The following KALRN variants were observed in gnomAD, a reference collection of about 807,000 sequenced individuals.
The protein encoded by KALRN is kalirin RhoGEF kinase.
Under a neutral mutation model 353.7 loss-of-function variants are expected in KALRN, and 70 were observed. That is an observed-to-expected ratio of 0.20 (90% CI 0.16 to 0.24). The LOEUF is 0.24. Among genes scored for constraint, KALRN ranks in the 10% least tolerant of loss-of-function variants. KALRN has a pLI of 1.00. For synonymous variants in KALRN, 1,391 were observed against 1,434.8 expected (o/e 0.97, Z 0.69); for missense variants, 2,791 against 3,756.7 (o/e 0.74, Z 6.72).
intron 34 of KALRN, among the ~76,000 whole-genome samples, chr3:124,590,399 T>G (rs1286631205): frequency 6.6e-6 from 1 of 152,156 alleles, no homozygotes; most frequent in East Asian, 1.9e-4. Flanking sequence ...AAATCCTACC[T>G]TGGGAATAAA....
intron 14 of KALRN, 107 bp from the exon 15 acceptor site, chr3:124,422,705 A>G (rs2092835011): frequency 1.1e-6 from 1 of 872,622 alleles, no homozygotes. Context: ...TTGGGAGGGT[A>G]TGAATAATGG....
chr3:124,591,286 C>A (rs2075746196), intron 34 of KALRN, among the ~76,000 whole-genome samples: 1 of 152,164 alleles, frequency 6.6e-6, no homozygotes, highest in South Asian at 2.1e-4. Context: ...CTTTTCCCCG[C>A]CCTTTTTTGT....
chr3:124,422,888 G>A lies in KALRN; in HGVS notation c.2619G>A (p.Lys873=). ...AGTTATTGGAATTTCTCCATGAGAA[G>A]CAGCATGAATTGGAGCTCAATGCAG... The part of the protein sequence containing the change: ...VQELLEFLHE[K]QHELELNAEQ... Residue 873 remains lysine (K), a synonymous_variant, in exon 15 of 60, where the codon AAG becomes AAA. Coordinates refer to ENST00000682506, the MANE Select transcript of KALRN (RefSeq NM_001388419.1). 6.2e-7 allele frequency: 1 copy of A among 1,613,936 alleles called. No homozygotes were observed. Among genetic ancestry groups the A allele is most frequent in the Non-Finnish European group, 8.5e-7 (1 of 1,179,842 alleles).
At position 124,270,824 on chromosome 3, in the gene KALRN, G is replaced by GTTTTTTT. The variant is rs777615656; in HGVS notation, c.969+1586_969+1592dup. Among the ~76,000 whole-genome samples, 600 of 78,384 alleles carry GTTTTTTT rather than the reference G, an allele frequency of 7.7e-3. 7 individuals are homozygous for GTTTTTTT. Among genetic ancestry groups the GTTTTTTT allele is most frequent in the Non-Finnish European group, 0.012 (479 of 41,144 alleles). 51.4% of individuals were successfully genotyped at this position (78,384 alleles called of 152,430 possible). On this transcript the variant is annotated intron_variant, in intron 5 of 59. Transcript: ENST00000682506. ...TTTTCTTTGTTTATTTTTTTGTTTT[G>GTTTTTTT]TTTTTTTTTTTTTTTTTTTTTTTGA...
chr3:124,405,912 G>A (rs1472607418), intron 13 of KALRN, among the ~76,000 whole-genome samples: 1 of 152,124 alleles, frequency 6.6e-6, no homozygotes, highest in Non-Finnish European at 1.5e-5. Flanking sequence ...CCAAAGTACT[G>A]GGATTACAGG....
At chr3:124,432,281 G>C (rs1364536590) in intron 16 of KALRN, among the ~76,000 whole-genome samples, 1 of 152,114 alleles carries the variant, frequency 6.6e-6, no homozygotes, top group Non-Finnish European at 1.5e-5. Flanking sequence ...AGGCATGGTG[G>C]TGGGTACTTG....
intron 3 of KALRN, among the ~76,000 whole-genome samples, chr3:124,254,711 A>T (rs1047627278): frequency 6.6e-6 from 1 of 152,198 alleles, no homozygotes. Context: ...TACCAAAAAA[A>T]GTTGCCCCAA....
chr3:124,416,500 T>C (rs2092506364), intron 14 of KALRN, among the ~76,000 whole-genome samples: 2 of 152,278 alleles, frequency 1.3e-5, no homozygotes, highest in East Asian at 3.8e-4. Flanking sequence ...GCTGTTCTCC[T>C]GCTCCTACCA....
At chr3:124,042,008 TAAAC>T (rs1203842643) in intron 1 of KALRN, among the ~76,000 whole-genome samples, 2 of 152,192 alleles carry the variant, frequency 1.3e-5, no homozygotes, top group Non-Finnish European at 2.9e-5. Context: ...AAGCAACAGA[TAAAC>T]AAATTTAAGA....
At chr3:124,518,044 C>A (rs567150843) in intron 33 of KALRN, among the ~76,000 whole-genome samples, 1 of 152,186 alleles carries the variant, frequency 6.6e-6, no homozygotes, top group Non-Finnish European at 1.5e-5. Context: ...GGGTCTGGAA[C>A]GTTGGGAAGC....
intron 51 of KALRN, among the ~76,000 whole-genome samples, chr3:124,682,553 C>T (rs2061388848): frequency 6.6e-6 from 1 of 152,180 alleles, no homozygotes; most frequent in East Asian, 1.9e-4. Context: ...CATCTCCTGC[C>T]TGCATGGGAA....
intron 34 of KALRN, among the ~76,000 whole-genome samples, chr3:124,600,116 G>A (rs333248): frequency 3.3e-5 from 5 of 152,096 alleles, no homozygotes; most frequent in Admixed American, 2.6e-4. Context: ...TAGACCAGCC[G>A]CGGGGAAAGA....
At chr3:124,267,429 CTT>C (rs1580270821) in intron 4 of KALRN, among the ~76,000 whole-genome samples, 1 of 152,204 alleles carries the variant, frequency 6.6e-6, no homozygotes, top group Non-Finnish European at 1.5e-5. Context: ...GAGAGCTATG[CTT>C]TGAGTAGCAA....
At chr3:124,384,797 G>A in intron 10 of KALRN, 48 bp from the exon 11 acceptor site, 1 of 1,524,368 alleles carries the variant, frequency 6.6e-7, no homozygotes, top group African/African-American at 1.4e-5. Flanking sequence ...GTGGGCTGCT[G>A]GAAGGCGCGA....
chr3:124,605,571 TAAA>T (rs61234632), intron 34 of KALRN, among the ~76,000 whole-genome samples: 25 of 138,464 alleles, frequency 1.8e-4, no homozygotes, highest in East Asian at 4.2e-4. Context: ...GGACTCCATC[TAAA>T]AAAAAAAAAA....
chr3:124,556,146 T>C (rs2071215062), intron 33 of KALRN, among the ~76,000 whole-genome samples: 1 of 152,196 alleles, frequency 6.6e-6, no homozygotes, highest in South Asian at 2.1e-4. Context: ...TTAATTACTA[T>C]GCAATTCACA....
intron 1 of KALRN, among the ~76,000 whole-genome samples, chr3:124,206,435 G>A (rs573516610): frequency 2.6e-4 from 39 of 152,322 alleles, no homozygotes; most frequent in Admixed American, 1.6e-3. Flanking sequence ...CTGCAAGGGC[G>A]GTTGGGAAAT....
At chr3:124,364,036 G>A (rs2084359087) in intron 10 of KALRN, among the ~76,000 whole-genome samples, 1 of 152,210 alleles carries the variant, frequency 6.6e-6, no homozygotes, top group Non-Finnish European at 1.5e-5. Context: ...CAGCAAGGGA[G>A]TGCTACAGTG....
chr3:124,140,417 T>G (rs2149782547), intron 1 of KALRN, among the ~76,000 whole-genome samples: 1 of 152,312 alleles, frequency 6.6e-6, no homozygotes, highest in South Asian at 2.1e-4. Context: ...TGAGCTGCAT[T>G]TATAGAGCTC....
Sources: allele counts gnomAD v4.1 joint callset (sites outside exome capture counted in the v4.1 genomes callset), GRCh38; gene constraint gnomAD v4.1.1; transcripts MANE v1.5; gene names NCBI Gene and HGNC (gene_info 2026-07-23, HGNC 2026-07-21).